Variants in CEP170 observed in about 807,000 individuals in gnomAD.
CEP170 encodes centrosomal protein of 170 kDa.
CEP170 carries 21 observed loss-of-function variants against 151.9 expected under a neutral mutation model. The observed-to-expected ratio is 0.14, with a 90% CI of 0.10 to 0.20. CEP170 has a LOEUF of 0.20. Ranked by LOEUF, CEP170 falls within the 10% of genes least tolerant of loss-of-function variation. The probability of loss-of-function intolerance (pLI) is 1.00; values close to 1 mark genes in which losing one functional copy is unlikely to be tolerated. For synonymous variants in CEP170, 356 were observed against 648.8 expected, an observed-to-expected ratio of 0.55 and a Z score of 6.86; for missense variants, 964 against 1,892.9, an observed-to-expected ratio of 0.51 and a Z score of 9.11.
chr1:243,185,642 T>A lies in CEP170; in HGVS notation c.1566+137A>T. ...GCATGTTGGTCTTACTGTTAAGTCT[T>A]GCAGTTCCCTAACAAAACCCTAAAA... On this transcript the variant is annotated intron_variant, in intron 10 of 19. Coordinates refer to ENST00000366542, the MANE Select transcript of CEP170 (RefSeq NM_014812.3). This position sits in a 1 kb window ranked among gnomAD's most constrained non-coding sequence, Gnocchi z 4.9. 8.1e-7 allele frequency: 1 copy of A among 1,228,656 alleles called. No homozygotes were observed. The highest frequency in any genetic ancestry group is 1.1e-6 in the Non-Finnish European group (1 of 883,002). The allele number at this position is 1,228,656 out of a possible 1,614,324, so 76.1% of individuals were successfully genotyped here.
intron 4 of CEP170, among the ~76,000 whole-genome samples, chr1:243,208,376 AAAAC>A (rs1035052735): frequency 6.6e-6 from 1 of 152,166 alleles, no homozygotes; most frequent in African/African-American, 2.4e-5. Flanking sequence ...AAAAAAAACA[AAAAC>A]AAAAACGCCT....
At chr1:243,244,788 C>T (rs1475032936) in intron 1 of CEP170, among the ~76,000 whole-genome samples, 1 of 151,238 alleles carries the variant, frequency 6.6e-6, no homozygotes, top group East Asian at 1.9e-4. Flanking sequence ...CGAAGAGTTA[C>T]ACAATAAACT....
At chr1:243,229,003 A>G (rs988561155) in intron 1 of CEP170, among the ~76,000 whole-genome samples, 16 of 152,362 alleles carry the variant, frequency 1.1e-4, no homozygotes, top group African/African-American at 3.4e-4. Context: ...GGAATGTGAT[A>G]TAACAGGAAG....
At chr1:243,198,343 T>C (rs139114694) in intron 7 of CEP170, among the ~76,000 whole-genome samples, 56 of 152,232 alleles carry the variant, frequency 3.7e-4, no homozygotes, top group African/African-American at 1.3e-3. Flanking sequence ...CAAAAATGTG[T>C]TCCTTGACTA....
intron 17 of CEP170, among the ~76,000 whole-genome samples, chr1:243,133,470 T>C (rs1010283222): frequency 6.6e-5 from 10 of 152,230 alleles, no homozygotes; most frequent in Admixed American, 1.3e-4. Flanking sequence ...AAAATAATTT[T>C]AGTGGAACTA....
In CEP170 at chr1:243,129,453, T is replaced by C. The variant is rs567819430; in HGVS notation, c.4320A>G (p.Arg1440=). ...QSIDKTAGKI[R]ILFKDKDRNW... is the part of the protein sequence containing the mutation. ...TCCGATCTTTGTCTTTAAATAATAT[T>C]CTATAAATCAAAAAACATAAGCATA... The change falls in exon 18 of 20, where the codon AGA becomes AGG. Residue 1440 remains arginine (R), a splice_region_variant and synonymous_variant. Transcript: ENST00000366542. The C allele has an allele frequency of 2.7e-6, 4 of 1,479,598 alleles. No homozygotes were observed. The South Asian group carries it at 5.3e-5, about 20-fold the overall frequency. The allele number at this position is 1,479,598 out of a possible 1,614,324, so 91.7% of individuals were successfully genotyped here.
At chr1:243,190,513 C>G in intron 8 of CEP170, among the ~76,000 whole-genome samples, 1 of 151,822 alleles carries the variant, frequency 6.6e-6, no homozygotes, top group South Asian at 2.1e-4. Flanking sequence ...ATTTCTAAAC[C>G]AAAAATCTTT....
intron 12 of CEP170, chr1:243,166,717 A>C (rs1466920293): frequency 1.3e-5 from 2 of 152,134 alleles, no homozygotes; most frequent in African/African-American, 2.4e-5. Context: ...GAGTCATCTG[A>C]TCATTTTTCT....
chr1:243,151,787 T>C (rs2057103213), intron 14 of CEP170, among the ~76,000 whole-genome samples: 1 of 152,222 alleles, frequency 6.6e-6, no homozygotes, highest in Non-Finnish European at 1.5e-5. Context: ...CAGCCTTCTA[T>C]TGGAAGAAGA....
intron 7 of CEP170, among the ~76,000 whole-genome samples, chr1:243,193,054 G>C (rs559658783): frequency 6.6e-6 from 1 of 152,006 alleles, no homozygotes; most frequent in Admixed American, 6.6e-5. Context: ...CATTATCAGA[G>C]AAATAATCAT....
intron 14 of CEP170, among the ~76,000 whole-genome samples, chr1:243,143,717 C>A (rs1572210021): frequency 2.9e-5 from 4 of 137,748 alleles, no homozygotes; most frequent in Admixed American, 7.4e-5. Flanking sequence ...AAAGGAAATA[C>A]AAAGTAACTT....
At chr1:243,214,287 T>G (rs1015280826) in intron 3 of CEP170, among the ~76,000 whole-genome samples, 1 of 145,612 alleles carries the variant, frequency 6.9e-6, no homozygotes, top group African/African-American at 2.5e-5. Context: ...AAAGTTTTTT[T>G]TTTTTTTTTT....
chr1:243,149,756 C>T (rs534800793), intron 14 of CEP170, among the ~76,000 whole-genome samples: 64 of 152,238 alleles, frequency 4.2e-4, no homozygotes, highest in Non-Finnish European at 7.6e-4. Context: ...AGCTGAATTG[C>T]AATACACAGA....
At chr1:243,248,178 T>C (rs1175311826) in intron 1 of CEP170, among the ~76,000 whole-genome samples, 1 of 152,210 alleles carries the variant, frequency 6.6e-6, no homozygotes, top group Non-Finnish European at 1.5e-5. Context: ...TCAGAGACCA[T>C]TCAGAAAGAA....
intron 1 of CEP170, among the ~76,000 whole-genome samples, chr1:243,225,979 CTATCTATATATATACACGTATATA>C: frequency 6.8e-6 from 1 of 146,268 alleles, no homozygotes; most frequent in Non-Finnish European, 1.5e-5. Flanking sequence ...ATCTATCTAT[CTATCTATATATATACACGTATATA>C]TATCTAGATA....
chr1:243,169,174 T>C (rs1450557290), intron 12 of CEP170: 1 of 155,848 alleles, frequency 6.4e-6, no homozygotes. Context: ...GGAAGAATTT[T>C]CATTTAAAAG....
Position 243,124,438 on chromosome 1 carries a change from GA to G in CEP170, c.*2010del, listed in dbSNP as rs1160145696. 1 of 152,466 alleles carries G rather than the reference GA, an allele frequency of 6.6e-6. No individual in the cohort carries two copies. The highest frequency in any genetic ancestry group is 1.5e-5 in the Non-Finnish European group (1 of 67,970). 9.4% of individuals were successfully genotyped at this position (152,466 alleles called of 1,614,324 possible). On this transcript the variant is annotated 3_prime_UTR_variant, in exon 20 of 20. Coordinates refer to ENST00000366542, the MANE Select transcript of CEP170 (RefSeq NM_014812.3). ...TATACAATCATTGTATAAAGTTCCA[GA>G]AACACTTTATTTAAAAATGGAGTTG...
At chr1:243,180,238 A>G (rs979345437) in intron 10 of CEP170, among the ~76,000 whole-genome samples, 2 of 152,226 alleles carry the variant, frequency 1.3e-5, no homozygotes, top group African/African-American at 4.8e-5. Context: ...GAAAATAAAT[A>G]GAATTTCATA....
chr1:243,145,957 A>G (rs1257820111), intron 14 of CEP170, among the ~76,000 whole-genome samples: 3 of 152,190 alleles, frequency 2.0e-5, no homozygotes, highest in African/African-American at 7.2e-5. Flanking sequence ...TAAGCAAAAA[A>G]AGTTTTGTAA....
Sources: gnomAD v4.1 joint callset for allele counts (sites outside exome capture counted in the v4.1 genomes callset) on GRCh38, gnomAD v4.1.1 for gene constraint, Gnocchi (gnomAD v3.1) non-coding constraint, MANE v1.5 for transcripts, NCBI Gene and HGNC (gene_info 2026-07-23, HGNC 2026-07-21) for gene names.